The following RNASEH1 variants were observed in gnomAD, a reference collection of about 807,000 sequenced individuals.
RNASEH1 encodes ribonuclease H1, also known as ribonuclease H type II.
A neutral mutation model predicts 34.6 loss-of-function variants in RNASEH1; 27 were observed. The ratio of observed to expected loss-of-function variants is 0.78; its 90% CI spans 0.58 to 1.08. The LOEUF (loss-of-function observed/expected upper bound fraction) is 1.08, where lower values mean the gene tolerates loss of function less well. RNASEH1 is among the 50% of genes least tolerant of loss of function. RNASEH1 has a pLI of 0.00. For missense variants in RNASEH1, 349 were observed against 373.6 expected (o/e 0.93, Z 0.54); for synonymous variants, 162 against 138.4 (o/e 1.17, Z -1.20).
At chr2:3,555,895 G>A (rs1319392957) in intron 2 of RNASEH1, among the ~76,000 whole-genome samples, 3 of 152,272 alleles carry the variant, frequency 2.0e-5, no homozygotes, top group African/African-American at 7.2e-5. Context: ...AATTGGACAG[G>A]CGTGGTGGCT....
chr2:3,558,310 C>T lies in RNASEH1; in HGVS notation c.-50G>A. 4 of 1,473,790 alleles carry T rather than the reference C, an allele frequency of 2.7e-6. No individual in the cohort carries two copies. The highest frequency in any genetic ancestry group is 2.7e-6 in the Non-Finnish European group (3 of 1,115,612). 91.3% of individuals were successfully genotyped at this position (1,473,790 alleles called of 1,614,324 possible). A position where few individuals can be genotyped will look rare whatever the true frequency, so the allele number is the denominator to read the frequency against. On this transcript the variant is annotated 5_prime_UTR_variant, in exon 1 of 8. Transcript: ENST00000315212. ...ATTTCGACTCCCGGCCCAGCGTGGG[C>T]GCGAGCCGCCGGCGCTCAACACCGC...
downstream of RNASEH1, among the ~76,000 whole-genome samples, chr2:3,541,147 T>C (rs933943687): frequency 2.6e-5 from 4 of 151,872 alleles, no homozygotes. Flanking sequence ...ACTAACACAG[T>C]GAAACCCCAC....
At chr2:3,547,599 T>C (rs948005646) in intron 7 of RNASEH1, among the ~76,000 whole-genome samples, 1 of 151,968 alleles carries the variant, frequency 6.6e-6, no homozygotes, top group Non-Finnish European at 1.5e-5. Flanking sequence ...GTGATTCTCC[T>C]GCCTCAGCCT....
chr2:3,538,396 G>A (rs1374801583), downstream of RNASEH1, among the ~76,000 whole-genome samples: 6 of 151,634 alleles, frequency 4.0e-5, no homozygotes, highest in South Asian at 2.1e-4. Context: ...TAAAAAGATA[G>A]CATACAAAGA....
the RNASEH1 span, chr2:3,532,229 C>T: frequency 4.1e-5 from 29 of 701,866 alleles, no homozygotes; most frequent in African/African-American, 7.0e-5. Context: ...GCATTCACTC[C>T]GTCTGCAAAC....
downstream of RNASEH1, among the ~76,000 whole-genome samples, chr2:3,538,965 G>A (rs887706294): frequency 1.3e-5 from 2 of 152,154 alleles, no homozygotes; most frequent in Non-Finnish European, 2.9e-5. Context: ...GTAAAGCCGA[G>A]CATCTTTTCA....
Position 3,545,517 on chromosome 2 carries a change from T to C in RNASEH1, c.*268A>G. 1 of 408,082 alleles carries C rather than the reference T, an allele frequency of 2.5e-6. No individual in the cohort carries two copies. The highest frequency in any genetic ancestry group is 4.4e-6 in the Non-Finnish European group (1 of 228,108). 25.3% of individuals were successfully genotyped at this position (408,082 alleles called of 1,614,324 possible). A position where few individuals can be genotyped will look rare whatever the true frequency, so the allele number is the denominator to read the frequency against. On this transcript the variant is annotated 3_prime_UTR_variant, in exon 8 of 8. Coordinates refer to ENST00000315212, the MANE Select transcript of RNASEH1 (RefSeq NM_002936.6). ...GGCCATTTGCCTTGCTTGCCTGCAA[T>C]AAAACAAGCAAGGACAGTATTGAAC...
intron 2 of RNASEH1, among the ~76,000 whole-genome samples, chr2:3,553,580 T>TG (rs66726756): frequency 1.3e-5 from 2 of 151,578 alleles, no homozygotes; most frequent in East Asian, 2.0e-4. Context: ...TTAGTAGAGA[T>TG]GGGGGTTTCA....
At chr2:3,538,042 AT>A (rs371268511), downstream of RNASEH1, among the ~76,000 whole-genome samples, 5,658 of 143,776 alleles carry the variant, frequency 0.039, 128 homozygotes, top group South Asian at 0.093. Flanking sequence ...TCTTAAAACA[AT>A]TTTTTTTTTT....
At chr2:3,532,071 G>A in the RNASEH1 span, 2 of 585,706 alleles carry the variant, frequency 3.4e-6, no homozygotes, top group Non-Finnish European at 6.1e-6. Context: ...CCTTGACAAA[G>A]AGATAAGGAG....
chr2:3,532,121 T>C, the RNASEH1 span: 1 of 627,590 alleles, frequency 1.6e-6, no homozygotes, highest in African/African-American at 1.8e-5. Context: ...AAGGGGAGTT[T>C]TGGGGAATGG....
the RNASEH1 span, among the ~76,000 whole-genome samples, chr2:3,534,821 G>A: frequency 6.6e-6 from 1 of 152,230 alleles, no homozygotes; most frequent in African/African-American, 2.4e-5. Flanking sequence ...GCATTCTTCA[G>A]CCTTAGAAGG....
At chr2:3,540,097 C>T (rs73137059), downstream of RNASEH1, among the ~76,000 whole-genome samples, 3,201 of 152,236 alleles carry the variant, frequency 0.021, 117 homozygotes, top group African/African-American at 0.072. Flanking sequence ...ATTTCTTCAA[C>T]GGCCTCTATT....
rs1057440339 is a variant in RNASEH1, at chr2:3,543,130, G to A, written c.*2655C>T. Among the ~76,000 whole-genome samples the A allele has an allele frequency of 1.3e-5, 2 of 152,182 alleles. No homozygotes were observed. Among genetic ancestry groups the A allele is most frequent in the Non-Finnish European group, 2.9e-5 (2 of 68,044 alleles). On this transcript the variant is annotated 3_prime_UTR_variant, in exon 8 of 8. Transcript: ENST00000315212. ...GTACACTTCTGTAACAAGCAGCAGA[G>A]TCTCACCAATCACATGCTGAAGGCT...
intron 1 of RNASEH1, chr2:3,557,745 GAT>G: frequency 1.5e-6 from 1 of 653,978 alleles, no homozygotes; most frequent in East Asian, 6.5e-5. Flanking sequence ...TAAAAGGGAA[GAT>G]TAGGTACTGA....
intron 4 of RNASEH1, 86 bp downstream of exon 4, chr2:3,550,287 A>G (rs1669166540): frequency 8.6e-7 from 1 of 1,159,850 alleles, no homozygotes; most frequent in African/African-American, 1.5e-5. Flanking sequence ...AGGTTTTCCC[A>G]ATAATCAAAC....
At chr2:3,550,683 C>A (rs549556353) in intron 3 of RNASEH1, among the ~76,000 whole-genome samples, 1 of 152,308 alleles carries the variant, frequency 6.6e-6, no homozygotes, top group South Asian at 2.1e-4. Context: ...ATCTTGCAGG[C>A]CAGGCAAGTT....
chr2:3,556,689 C>T (rs547482179), intron 2 of RNASEH1, 100 bp downstream of exon 2: 2 of 713,786 alleles, frequency 2.8e-6, no homozygotes, highest in East Asian at 2.6e-5. Context: ...ACACGAGGTT[C>T]CCTACATGCC....
intron 2 of RNASEH1, among the ~76,000 whole-genome samples, chr2:3,554,777 A>C (rs1660323442): frequency 6.6e-6 from 1 of 152,248 alleles, no homozygotes; most frequent in East Asian, 1.9e-4. Context: ...GAAAAGGAAA[A>C]TTAAGAAAAG....
Sources: gnomAD v4.1 joint callset for allele counts (sites outside exome capture counted in the v4.1 genomes callset) on GRCh38, gnomAD v4.1.1 for gene constraint, MANE v1.5 for transcripts, NCBI Gene and HGNC (gene_info 2026-07-23, HGNC 2026-07-21) for gene names.